ZNF365: variants seen among roughly 807,000 people sequenced by gnomAD.
ZNF365 encodes the protein protein ZNF365.
Under a neutral mutation model 35.0 loss-of-function variants are expected in ZNF365, and 22 were observed. That is an observed-to-expected ratio of 0.63 (90% CI 0.45 to 0.90). The LOEUF is 0.90. ZNF365 is among the 40% of genes least tolerant of loss of function. The probability of loss-of-function intolerance (pLI) is 0.00; values close to 1 mark genes in which losing one functional copy is unlikely to be tolerated. For missense variants in ZNF365, 448 were observed against 500.3 expected (o/e 0.90, Z 1.00); for synonymous variants, 188 against 196.2 (o/e 0.96, Z 0.35).
intron 3 of ZNF365, among the ~76,000 whole-genome samples, chr10:62,411,027 G>T (rs1209383365): frequency 6.6e-6 from 1 of 152,152 alleles, no homozygotes; most frequent in African/African-American, 2.4e-5. Flanking sequence ...CTAATGATCA[G>T]TGATGTTAAA....
intron 3 of ZNF365, among the ~76,000 whole-genome samples, chr10:62,459,198 T>G (rs1840807818): frequency 6.6e-6 from 1 of 152,232 alleles, no homozygotes; most frequent in South Asian, 2.1e-4. Flanking sequence ...ATGCACAGCA[T>G]TGAGATAGAC....
At position 62,419,477 on chromosome 10, in the gene ZNF365, C is replaced by T. The variant is rs567350896; in HGVS notation, c.924+30901C>T. 4.3e-5 allele frequency among the ~76,000 whole-genome samples: 6 copies of T among 137,974 alleles called. No homozygotes were observed. The East Asian group carries it at 1.3e-3, about 30-fold the overall frequency. The allele number at this position is 137,974 out of a possible 152,430, so 90.5% of individuals were successfully genotyped here. A position where few individuals can be genotyped will look rare whatever the true frequency, so the allele number is the denominator to read the frequency against. ...TATAAGCTCCATTTGGCTTTTGTTA[C>T]AAGCAGGTTTTTAAAGGAAAAAAAA... On this transcript the variant is annotated intron_variant, in intron 3 of 4. Coordinates refer to the ZNF365 transcript ENST00000395255.
intron 3 of ZNF365, among the ~76,000 whole-genome samples, chr10:62,422,370 G>C (rs1840183680): frequency 6.6e-6 from 1 of 152,082 alleles, no homozygotes; most frequent in Non-Finnish European, 1.5e-5. Flanking sequence ...GGTTGTTAAA[G>C]GCAACATTCC....
In ZNF365 at chr10:62,399,413, T is replaced by C. The variant is rs896626091; in HGVS notation, c.963-115T>C. The C allele has an allele frequency of 6.2e-6, 9 of 1,440,344 alleles. No homozygotes were observed. In the African/African-American group the frequency reaches 9.9e-5, roughly 16 times the overall value. 89.2% of individuals were successfully genotyped at this position (1,440,344 alleles called of 1,614,324 possible). ...ATGATTTGCCTTTGTGGTAGCATTA[T>C]CACCACTGTAGCATGTAGGAGAGAT... On this transcript the variant is annotated intron_variant, in intron 4 of 4. Coordinates refer to ENST00000395254, the MANE Select transcript of ZNF365 (RefSeq NM_014951.3).
intron 3 of ZNF365, among the ~76,000 whole-genome samples, chr10:62,419,534 C>A (rs556230667): frequency 6.7e-6 from 1 of 150,042 alleles, no homozygotes; most frequent in African/African-American, 2.4e-5. Context: ...TATACAAAGT[C>A]GTTTGTCAGG....
At chr10:62,437,944 A>G (rs1035134513) in intron 3 of ZNF365, among the ~76,000 whole-genome samples, 2 of 152,200 alleles carry the variant, frequency 1.3e-5, no homozygotes, top group African/African-American at 4.8e-5. Flanking sequence ...CACGCTCTAC[A>G]TCCAACATCA....
intron 3 of ZNF365, among the ~76,000 whole-genome samples, chr10:62,457,769 G>A (rs1840783517): frequency 6.6e-6 from 1 of 152,190 alleles, no homozygotes; most frequent in Non-Finnish European, 1.5e-5. Flanking sequence ...GGTGTCAGGT[G>A]CAGCTCCCTG....
chr10:62,455,541 T>G (rs1840748518), intron 3 of ZNF365, among the ~76,000 whole-genome samples: 1 of 152,042 alleles, frequency 6.6e-6, no homozygotes, highest in Admixed American at 6.5e-5. Context: ...TATATGTATA[T>G]GTACATATAC....
chr10:62,461,661 G>T (rs1840849912), intron 4 of ZNF365, among the ~76,000 whole-genome samples: 1 of 152,176 alleles, frequency 6.6e-6, no homozygotes, highest in East Asian at 1.9e-4. Flanking sequence ...TAAATTCACA[G>T]CTTGCTGTAG....
intron 3 of ZNF365, among the ~76,000 whole-genome samples, chr10:62,448,083 A>G (rs1589459069): frequency 1.3e-5 from 2 of 152,144 alleles, no homozygotes; most frequent in East Asian, 3.8e-4. Flanking sequence ...ACCAGCTATT[A>G]ATTCAATTTC....
chr10:62,384,842 A>C (rs1429362064), intron 2 of ZNF365, among the ~76,000 whole-genome samples: 2 of 152,138 alleles, frequency 1.3e-5, no homozygotes, highest in Non-Finnish European at 2.9e-5. Flanking sequence ...TGGATATTTT[A>C]TTGTTTGGAG....
At position 62,400,795 on chromosome 10, in the gene ZNF365, T is replaced by G; in HGVS notation, c.*1006T>G. On this transcript the variant is annotated 3_prime_UTR_variant, in exon 5 of 5. Transcript: ENST00000395254. ...TAACTTTTCCACTGGGTGGTTCACT[T>G]TGCCTCCTGCTGCTTCTGTGCCCTG... 1 of 969,296 alleles carries G rather than the reference T, an allele frequency of 1.0e-6. No homozygotes were observed. The allele number at this position is 969,296 out of a possible 1,614,324, so 60.0% of individuals were successfully genotyped here.
intron 2 of ZNF365, among the ~76,000 whole-genome samples, chr10:62,387,550 A>G (rs140298739): frequency 7.0e-4 from 107 of 152,314 alleles, no homozygotes; most frequent in African/African-American, 2.3e-3. Flanking sequence ...TGGATTTGTA[A>G]TCTACTTGTG....
chr10:62,432,427 T>C (rs1840348444), intron 3 of ZNF365, among the ~76,000 whole-genome samples: 1 of 152,180 alleles, frequency 6.6e-6, no homozygotes, highest in African/African-American at 2.4e-5. Context: ...TGACAGCAGG[T>C]CAGGGCTGCT....
intron 3 of ZNF365, among the ~76,000 whole-genome samples, chr10:62,427,255 C>T (rs1300854236): frequency 6.6e-6 from 1 of 152,148 alleles, no homozygotes; most frequent in African/African-American, 2.4e-5. Flanking sequence ...TCTATGATGG[C>T]GGTCCCATGA....
In ZNF365 at chr10:62,400,971, A is replaced by G; in HGVS notation, c.*1182A>G. 1.0e-6 allele frequency: 1 copy of G among 985,506 alleles called. No homozygotes were observed. 61.0% of individuals were successfully genotyped at this position (985,506 alleles called of 1,614,324 possible). A position where few individuals can be genotyped will look rare whatever the true frequency, so the allele number is the denominator to read the frequency against. On this transcript the variant is annotated 3_prime_UTR_variant, in exon 5 of 5. Coordinates refer to ENST00000395254, the MANE Select transcript of ZNF365 (RefSeq NM_014951.3). ...CCTCCCTAAAATGGCTTTAGTTTCC[A>G]CAAAGAGCTGTTAAGAATTTCCTGC...
chr10:62,471,802 C>T (rs1031185773), intron 4 of ZNF365, among the ~76,000 whole-genome samples: 1 of 152,162 alleles, frequency 6.6e-6, no homozygotes. Context: ...TTATTGTAAA[C>T]ATAACTTGAA....
chr10:62,416,542 T>C (rs114763107), intron 3 of ZNF365, among the ~76,000 whole-genome samples: 1 of 152,138 alleles, frequency 6.6e-6, no homozygotes, highest in Non-Finnish European at 1.5e-5. Flanking sequence ...TTAAAGATGT[T>C]TGAAAGGTCA....
intron 4 of ZNF365, among the ~76,000 whole-genome samples, chr10:62,464,327 A>G (rs2132483934): frequency 6.6e-6 from 1 of 152,300 alleles, no homozygotes; most frequent in East Asian, 1.9e-4. Context: ...CTTCCTCTCA[A>G]AACACCCCAT....
Sources: gnomAD v4.1 joint callset for allele counts (sites outside exome capture counted in the v4.1 genomes callset) on GRCh38, gnomAD v4.1.1 for gene constraint, MANE v1.5 for transcripts, NCBI Gene and HGNC (gene_info 2026-07-23, HGNC 2026-07-21) for gene names.